The following PDCL variants were observed in gnomAD, a reference collection of about 807,000 sequenced individuals.
The protein encoded by PDCL is phosducin-like protein.
Under a neutral mutation model 26.7 loss-of-function variants are expected in PDCL, and 11 were observed. The observed-to-expected ratio is 0.41, with a 90% CI of 0.26 to 0.68. The LOEUF (loss-of-function observed/expected upper bound fraction) is 0.68, where lower values mean the gene tolerates loss of function less well. Among genes scored for constraint, PDCL ranks in the 30% least tolerant of loss-of-function variants. PDCL has a pLI of 0.30. For missense variants in PDCL, 330 were observed against 371.6 expected, an observed-to-expected ratio of 0.89 and a Z score of 0.92; for synonymous variants, 118 against 134.9, an observed-to-expected ratio of 0.87 and a Z score of 0.87.
In PDCL at chr9:122,819,191, G is replaced by C. The variant is rs2131360666; in HGVS notation, c.*894C>G. On this transcript the variant is annotated 3_prime_UTR_variant, in exon 4 of 4. Coordinates refer to ENST00000259467, the MANE Select transcript of PDCL (RefSeq NM_005388.5). ...TATTAATAGTGTTTTATTCTAGGTAGTAGGATTAGAGATTATTTTAATTTT... is the reference window on the plus strand; with the variant it reads ...TATTAATAGTGTTTTATTCTAGGTACTAGGATTAGAGATTATTTTAATTTT... The C allele has an allele frequency of 6.6e-6, 1 of 151,716 alleles. No individual in the cohort carries two copies. The highest frequency in any genetic ancestry group is 1.5e-5 in the Non-Finnish European group (1 of 67,964). The allele number at this position is 151,716 out of a possible 1,614,324, so 9.4% of individuals were successfully genotyped here. A position where few individuals can be genotyped will look rare whatever the true frequency, so the allele number is the denominator to read the frequency against.
rs147643312 is a variant in PDCL at position 122,823,126 on chromosome 9, G to A, written c.244C>T (p.Arg82Trp). The A allele has an allele frequency of 1.2e-5, 19 of 1,613,882 alleles. No homozygotes were observed. Among genetic ancestry groups the A allele is most frequent in the Middle Eastern group, 3.3e-4 (2 of 6,084 alleles). The change falls in exon 3 of 4, where the codon CGG (arginine) becomes TGG (tryptophan). Residue 82 changes from arginine (R) to tryptophan (W), a missense_variant. By Grantham distance (101) the Arg-to-Trp change is moderately radical. Coordinates refer to ENST00000259467, the MANE Select transcript of PDCL (RefSeq NM_005388.5). ...LETEQREEQC[R>W]EMERLIKKLS... ...TTCTTGATCAGCCTTTCCATCTCCC[G>A]GCACTGCTCCTCCCTCTGCTCTGTC...
rs535271779 is a variant in PDCL at position 122,819,404 on chromosome 9, C to G, written c.*681G>C. 2 of 152,130 alleles carry G rather than the reference C, an allele frequency of 1.3e-5. No individual in the cohort carries two copies. Among genetic ancestry groups the G allele is most frequent in the Non-Finnish European group, 2.9e-5 (2 of 68,018 alleles). The allele number at this position is 152,130 out of a possible 1,614,324, so 9.4% of individuals were successfully genotyped here. A position where few individuals can be genotyped will look rare whatever the true frequency, so the allele number is the denominator to read the frequency against. ...AGGGGCATCTTACTGAAAGAACTTC[C>G]TTTACAAAGATTTCCAGCCCCACTC... On this transcript the variant is annotated 3_prime_UTR_variant, in exon 4 of 4. Coordinates refer to ENST00000259467, the MANE Select transcript of PDCL (RefSeq NM_005388.5).
chr9:122,820,043 C>A lies in PDCL; in HGVS notation c.*42G>T, dbSNP rs1829531946. ...ACAAAAATAAACAATGACGTGTATT[C>A]CAACCCAAACAATGAGAAATCTATG... On this transcript the variant is annotated 3_prime_UTR_variant, in exon 4 of 4. Transcript: ENST00000259467. 5.3e-6 allele frequency: 8 copies of A among 1,502,924 alleles called. No homozygotes were observed. The highest frequency in any genetic ancestry group is 3.9e-5 in the South Asian group (3 of 76,068). 93.1% of individuals were successfully genotyped at this position (1,502,924 alleles called of 1,614,324 possible). A position where few individuals can be genotyped will look rare whatever the true frequency, so the allele number is the denominator to read the frequency against.
chr9:122,820,931 G>A (rs367901918), intron 3 of PDCL: 2 of 331,162 alleles, frequency 6.0e-6, no homozygotes, highest in South Asian at 5.8e-5. Flanking sequence ...CTGGGAGGCA[G>A]AGGTTGCAGT....
chr9:122,827,390 G>A (rs1485400598), intron 1 of PDCL, among the ~76,000 whole-genome samples: 4 of 152,128 alleles, frequency 2.6e-5, no homozygotes. Flanking sequence ...TTTAAAAGAA[G>A]GGCCCATACA....
At chr9:122,822,040 C>A (rs1393876318) in intron 3 of PDCL, among the ~76,000 whole-genome samples, 5 of 152,152 alleles carry the variant, frequency 3.3e-5, no homozygotes, top group African/African-American at 1.2e-4. Context: ...AGAGTGGCTT[C>A]TTCTGACCTA....
chr9:122,821,635 CCAGA>C (rs766052933), intron 3 of PDCL, among the ~76,000 whole-genome samples: 2 of 152,116 alleles, frequency 1.3e-5, no homozygotes, highest in Non-Finnish European at 2.9e-5. Context: ...CCTAATTCTG[CCAGA>C]CAGTTTCCAA....
intron 3 of PDCL, 130 bp downstream of exon 3, chr9:122,822,886 G>T: frequency 1.3e-6 from 1 of 790,268 alleles, no homozygotes; most frequent in Non-Finnish European, 2.1e-6. Context: ...GTTTTGACAG[G>T]GCTCTATGAT....
intron 1 of PDCL, 71 bp from the exon 2 acceptor site, chr9:122,826,863 G>C: frequency 7.3e-7 from 1 of 1,374,664 alleles, no homozygotes; most frequent in Middle Eastern, 1.8e-4. Context: ...AGCATAGGGG[G>C]CTCGCCTGTG....
At position 122,820,255 on chromosome 9, in the gene PDCL, C is replaced by G; in HGVS notation, c.736G>C (p.Gly246Arg). 7 of 1,614,090 alleles carry G rather than the reference C, an allele frequency of 4.3e-6. No individual in the cohort carries two copies. Among genetic ancestry groups the G allele is most frequent in the Non-Finnish European group, 5.9e-6 (7 of 1,180,022 alleles). The change falls in exon 4 of 4, where the codon GGC becomes CGC. Residue 246 changes from glycine (G) to arginine (R), a missense_variant. By Grantham distance (125) the Gly-to-Arg change is moderately radical. Transcript: ENST00000259467. ...TGGTCAGTAACACGAACAAAATTGC[C>G]GATCAATTCACCCCCCTTATAGATC... is the stretch of plus-strand genomic sequence containing the variant. Reference protein sequence around the residue: ...LLIYKGGELIGNFVRVTDQLG... With the variant: ...LLIYKGGELIRNFVRVTDQLG...
At position 122,820,406 on chromosome 9, in the gene PDCL, G is replaced by A. The variant is rs200177271; in HGVS notation, c.585C>T (p.Thr195=). ...VHIYEDGIPG[T]EAMNGCMICL... is the part of the protein sequence containing the mutation. ...AGATCATGCAACCATTCATGGCTTC[G>A]GTCCCTGGAATGCCATCCTCATAAA... Residue 195 remains threonine, a synonymous_variant, in exon 4 of 4, where the codon ACC becomes ACT. Coordinates refer to ENST00000259467, the MANE Select transcript of PDCL (RefSeq NM_005388.5). 4.9e-5 allele frequency: 79 copies of A among 1,613,962 alleles called. No individual in the cohort carries two copies. The highest frequency in any genetic ancestry group is 5.1e-5 in the Non-Finnish European group (60 of 1,180,018).
intron 2 of PDCL, among the ~76,000 whole-genome samples, chr9:122,825,243 C>G (rs1829608325): frequency 1.3e-5 from 2 of 151,910 alleles, no homozygotes; most frequent in African/African-American, 4.8e-5. Flanking sequence ...CTCACTGCAA[C>G]CTCTGCCTCC....
intron 3 of PDCL, chr9:122,820,888 T>C (rs934463753): frequency 5.0e-6 from 2 of 402,460 alleles, no homozygotes; most frequent in African/African-American, 4.2e-5. Context: ...CCAGCTACAC[T>C]GGAGGCTGAG....
chr9:122,822,772 G>A (rs1319778338), intron 3 of PDCL, among the ~76,000 whole-genome samples: 1 of 152,170 alleles, frequency 6.6e-6, no homozygotes, highest in Non-Finnish European at 1.5e-5. Flanking sequence ...GCCCTGCACG[G>A]GGAGGATACA....
At position 122,820,215 on chromosome 9, in the gene PDCL, A is replaced by C; in HGVS notation, c.776T>G (p.Phe259Cys). 1.2e-6 allele frequency: 2 copies of C among 1,614,172 alleles called. No homozygotes were observed. Among genetic ancestry groups the C allele is most frequent in the Non-Finnish European group, 1.7e-6 (2 of 1,180,028 alleles). ...VRVTDQLGDD[F>C]FAVDLEAFLQ... ...AAAAGCTTCAAGGTCCACAGCAAAG[A>C]AATCATCCCCCAGCTGGTCAGTAAC... The change falls in exon 4 of 4, where the codon TTC becomes TGC. Residue 259 changes from phenylalanine to cysteine, a missense_variant. Phe to Cys is a radical substitution (Grantham distance 205, BLOSUM62 -2). Transcript: ENST00000259467.
intron 2 of PDCL, among the ~76,000 whole-genome samples, chr9:122,826,147 C>T (rs1829625485): frequency 6.6e-6 from 1 of 152,016 alleles, no homozygotes; most frequent in African/African-American, 2.4e-5. Flanking sequence ...GGAAATAAAC[C>T]TACAATGAAT....
intron 1 of PDCL, among the ~76,000 whole-genome samples, chr9:122,827,480 G>T (rs1346238113): frequency 1.3e-5 from 2 of 152,212 alleles, no homozygotes; most frequent in Non-Finnish European, 2.9e-5. Flanking sequence ...TAGGGAGGCC[G>T]AGGAGGGAGG....
chr9:122,826,712 C>G lies in PDCL; in HGVS notation c.76G>C (p.Asp26His). 1 of 1,614,150 alleles carries G rather than the reference C, an allele frequency of 6.2e-7. No homozygotes were observed. The highest frequency in any genetic ancestry group is 8.5e-7 in the Non-Finnish European group (1 of 1,180,028). The change falls in exon 2 of 4, where the codon GAC becomes CAC. Residue 26 changes from aspartate to histidine, a missense_variant. Coordinates refer to ENST00000259467, the MANE Select transcript of PDCL (RefSeq NM_005388.5). ...YYSSSEDEDSDHEDKDRGRCA... is the reference protein window; with the variant it reads ...YYSSSEDEDSHHEDKDRGRCA... ...CTGCCTCGGTCCTTGTCCTCGTGGT[C>G]ACTGTCCTCATCCTCACTGCTGCTA...
At position 122,818,468 on chromosome 9, in the gene PDCL, T is replaced by C. The variant is rs985585766; in HGVS notation, c.*1617A>G. 6.6e-6 allele frequency: 1 copy of C among 151,974 alleles called. No individual in the cohort carries two copies. Among genetic ancestry groups the C allele is most frequent in the Non-Finnish European group, 1.5e-5 (1 of 68,006 alleles). 9.4% of individuals were successfully genotyped at this position (151,974 alleles called of 1,614,324 possible). A position where few individuals can be genotyped will look rare whatever the true frequency, so the allele number is the denominator to read the frequency against. On this transcript the variant is annotated 3_prime_UTR_variant, in exon 4 of 4. Transcript: ENST00000259467. The stretch of plus-strand genomic sequence containing the variant: ...TAAGTACTCAATGTTTATAAAAATA[T>C]TGAAAAAAGACTGAAAGGAAATAAG...
Sources: allele counts gnomAD v4.1 joint callset (sites outside exome capture counted in the v4.1 genomes callset), GRCh38; gene constraint gnomAD v4.1.1; transcripts MANE v1.5; gene names NCBI Gene and HGNC (gene_info 2026-07-23, HGNC 2026-07-21).